CHRM3: variants seen among roughly 807,000 people sequenced by gnomAD.
The protein encoded by CHRM3 is cholinergic receptor muscarinic 3, also known as muscarinic acetylcholine receptor M3.
In CHRM3, 11 loss-of-function variants were observed where a neutral mutation model predicts 41.8. The ratio of observed to expected loss-of-function variants is 0.26; its 90% CI spans 0.17 to 0.44. The LOEUF is 0.44. Among genes scored for constraint, CHRM3 ranks in the 20% least tolerant of loss-of-function variants. The pLI is 1.00. For missense variants in CHRM3, 571 were observed against 745.4 expected, an observed-to-expected ratio of 0.77 and a Z score of 2.72; for synonymous variants, 297 against 301.4, an observed-to-expected ratio of 0.99 and a Z score of 0.15.
At chr1:239,538,967 A>G (rs1478969876) in intron 2 of CHRM3, among the ~76,000 whole-genome samples, 1 of 152,192 alleles carries the variant, frequency 6.6e-6, no homozygotes, top group Admixed American at 6.5e-5. Context: ...ACAAAGAGAG[A>G]AAAAAGACTC....
chr1:239,890,725 T>G (rs2102940855), intron 6 of CHRM3, among the ~76,000 whole-genome samples: 1 of 152,304 alleles, frequency 6.6e-6, no homozygotes, highest in South Asian at 2.1e-4. Flanking sequence ...GCAGTGCAAC[T>G]TCAAATATTA....
At chr1:239,637,291 G>GA (rs1670561485) in intron 4 of CHRM3, among the ~76,000 whole-genome samples, 1 of 151,944 alleles carries the variant, frequency 6.6e-6, no homozygotes, top group Non-Finnish European at 1.5e-5. Context: ...TATATGCGTA[G>GA]AAAATGTGCA....
At chr1:239,774,540 G>A (rs1052786282) in intron 5 of CHRM3, among the ~76,000 whole-genome samples, 4 of 152,068 alleles carry the variant, frequency 2.6e-5, no homozygotes, top group Admixed American at 2.6e-4. Flanking sequence ...GTCTTTGGAT[G>A]GCATAGTTTC....
At chr1:239,730,812 A>G (rs1663897876) in intron 5 of CHRM3, among the ~76,000 whole-genome samples, 1 of 151,864 alleles carries the variant, frequency 6.6e-6, no homozygotes, top group Non-Finnish European at 1.5e-5. Flanking sequence ...AGAAGCAGAG[A>G]GGTTCATGGG....
At chr1:239,827,789 A>G (rs905142429) in intron 6 of CHRM3, among the ~76,000 whole-genome samples, 2 of 152,222 alleles carry the variant, frequency 1.3e-5, no homozygotes, top group East Asian at 1.9e-4. Context: ...CCACCTAACA[A>G]TAAAACCTTC....
chr1:239,895,706 G>A (rs1183814321), intron 6 of CHRM3, among the ~76,000 whole-genome samples: 1 of 152,174 alleles, frequency 6.6e-6, no homozygotes, highest in African/African-American at 2.4e-5. Context: ...CCTAAGCAAA[G>A]TAATGCAAGA....
intron 1 of CHRM3, among the ~76,000 whole-genome samples, chr1:239,390,639 C>T (rs1183910741): frequency 6.6e-6 from 1 of 150,478 alleles, no homozygotes; most frequent in East Asian, 2.0e-4. Context: ...CACTCTGTCG[C>T]CCAGGTTAGA....
At chr1:239,503,190 C>T (rs536841618) in intron 2 of CHRM3, among the ~76,000 whole-genome samples, 40 of 152,192 alleles carry the variant, frequency 2.6e-4, no homozygotes, top group African/African-American at 5.8e-4. Context: ...GATCCTAGAA[C>T]GGATAAAAGA....
intron 5 of CHRM3, among the ~76,000 whole-genome samples, chr1:239,692,256 C>CT (rs1237454136): frequency 6.6e-6 from 1 of 152,094 alleles, no homozygotes; most frequent in Non-Finnish European, 1.5e-5. Context: ...ATGGACCAGG[C>CT]TTTTTGATGG....
At chr1:239,496,518 T>C (rs1667893320) in intron 2 of CHRM3, among the ~76,000 whole-genome samples, 2 of 98,820 alleles carry the variant, frequency 2.0e-5, no homozygotes, top group Non-Finnish European at 5.2e-5. Flanking sequence ...CTAGTGTGTG[T>C]GTGTGTGTGT....
chr1:239,478,156 A>C (rs1666589935), intron 1 of CHRM3, among the ~76,000 whole-genome samples: 1 of 152,184 alleles, frequency 6.6e-6, no homozygotes, highest in Admixed American at 6.5e-5. Context: ...CTAAGTTCCC[A>C]AGTTCTGATG....
chr1:239,563,211 A>AG lies in CHRM3; in HGVS notation c.-313+17463dup, dbSNP rs1661047730. Among the ~76,000 whole-genome samples the AG allele has an allele frequency of 2.5e-5, 3 of 118,766 alleles. No individual in the cohort carries two copies. The Admixed American group carries it at 2.6e-4, about 10-fold the overall frequency. The allele number at this position is 118,766 out of a possible 152,430, so 77.9% of individuals were successfully genotyped here. On this transcript the variant is annotated intron_variant, in intron 3 of 6. Coordinates refer to ENST00000676153, the MANE Select transcript of CHRM3 (RefSeq NM_001375978.1). The stretch of plus-strand genomic sequence containing the variant: ...TGTAGGGCAACAAGGAAAGAGACCA[A>AG]GAGATACATCCAGGTGCACATTTTT...
chr1:239,413,100 A>AT (rs1469189322), intron 1 of CHRM3, among the ~76,000 whole-genome samples: 2 of 150,412 alleles, frequency 1.3e-5, no homozygotes, highest in Admixed American at 6.6e-5. Context: ...AAAAATGAAA[A>AT]AAAAAAGATA....
chr1:239,403,807 C>T (rs1167282968), intron 1 of CHRM3, among the ~76,000 whole-genome samples: 1 of 151,790 alleles, frequency 6.6e-6, no homozygotes, highest in Non-Finnish European at 1.5e-5. Flanking sequence ...AAGATTCAAC[C>T]TTGGGGATTG....
chr1:239,653,205 G>A (rs1007201794), intron 4 of CHRM3, among the ~76,000 whole-genome samples: 5 of 152,132 alleles, frequency 3.3e-5, no homozygotes, highest in African/African-American at 7.2e-5. Context: ...AAATTCCTAA[G>A]AGGAGGCATC....
intron 1 of CHRM3, among the ~76,000 whole-genome samples, chr1:239,459,596 A>G (rs1035335240): frequency 1.6e-4 from 25 of 152,334 alleles, no homozygotes; most frequent in African/African-American, 6.0e-4. Flanking sequence ...AATTATACTT[A>G]AATGAAAGCA....
intron 5 of CHRM3, among the ~76,000 whole-genome samples, chr1:239,778,466 T>C (rs1041809403): frequency 6.6e-6 from 1 of 152,192 alleles, no homozygotes; most frequent in Non-Finnish European, 1.5e-5. Context: ...GTTCCGTGTT[T>C]ATCCTATCTG....
At chr1:239,825,409 G>A (rs1027662986) in intron 5 of CHRM3, among the ~76,000 whole-genome samples, 6 of 152,068 alleles carry the variant, frequency 3.9e-5, no homozygotes, top group East Asian at 1.9e-4. Flanking sequence ...TGAAAGTGCC[G>A]CTCAACAATT....
chr1:239,492,550 G>A (rs543974325), intron 1 of CHRM3, among the ~76,000 whole-genome samples, 159 bp from the exon 2 acceptor site: 1 of 152,152 alleles, frequency 6.6e-6, no homozygotes, highest in East Asian at 1.9e-4. Flanking sequence ...CCCTATTCCT[G>A]ATTTCCTGGG....
Sources: gnomAD v4.1 joint callset for allele counts (sites outside exome capture counted in the v4.1 genomes callset) on GRCh38, gnomAD v4.1.1 for gene constraint, MANE v1.5 for transcripts, NCBI Gene and HGNC (gene_info 2026-07-23, HGNC 2026-07-21) for gene names.